The following SYCP2L variants were observed in gnomAD, a reference collection of about 807,000 sequenced individuals.
The protein encoded by SYCP2L is synaptonemal complex protein 2-like.
Under a neutral mutation model 125.8 loss-of-function variants are expected in SYCP2L, and 98 were observed. The ratio of observed to expected loss-of-function variants is 0.78; its 90% CI spans 0.66 to 0.92. The LOEUF (loss-of-function observed/expected upper bound fraction) is 0.92. Among genes scored for constraint, SYCP2L ranks in the 40% least tolerant of loss-of-function variants. The probability of loss-of-function intolerance (pLI) is 0.00; values close to 1 mark genes in which losing one functional copy is unlikely to be tolerated. For missense variants in SYCP2L, 842 were observed against 936.4 expected (o/e 0.90, Z 1.32); for synonymous variants, 317 against 325.4 (o/e 0.97, Z 0.28).
chr6:10,958,782 A>G lies in SYCP2L; in HGVS notation c.2164-2A>G, dbSNP rs1351559460. ...CATCTTGTTATTGTTGTTATGATTT[A>G]GCTTAGGTACAGAAAGCGTCCGTTT... On this transcript the variant is annotated splice_acceptor_variant, in intron 25 of 29. Transcript: ENST00000283141. LOFTEE classifies it high-confidence loss of function. 1 of 1,609,596 alleles carries G rather than the reference A, an allele frequency of 6.2e-7. No individual in the cohort carries two copies. The highest frequency in any genetic ancestry group is 1.1e-5 in the South Asian group (1 of 90,372).
intron 2 of SYCP2L, 78 bp downstream of exon 2, chr6:10,891,659 GTGTGTATGTGTA>G: frequency 1.4e-6 from 1 of 690,130 alleles, no homozygotes; most frequent in Non-Finnish European, 2.3e-6. Flanking sequence ...GTGTGTGTGT[GTGTGTATGTGTA>G]TATGAGTGTA....
chr6:10,939,909 C>T (rs1019734965), intron 21 of SYCP2L, among the ~76,000 whole-genome samples: 1 of 151,546 alleles, frequency 6.6e-6, no homozygotes, highest in Admixed American at 6.6e-5. Context: ...GGAAAGACAA[C>T]CTAAAGAATG....
At chr6:10,947,775 A>G (rs1781341692) in intron 23 of SYCP2L, among the ~76,000 whole-genome samples, 1 of 152,034 alleles carries the variant, frequency 6.6e-6, no homozygotes, top group African/African-American at 2.4e-5. Flanking sequence ...TATCTTTAGT[A>G]TGTCTTAAAA....
intron 29 of SYCP2L, among the ~76,000 whole-genome samples, chr6:10,971,799 T>TC (rs201647454): frequency 0.55 from 83,660 of 151,710 alleles, 24,042 homozygotes; most frequent in East Asian, 0.91. Flanking sequence ...TTCTCCTGCC[T>TC]AAGAGGCTGG....
In SYCP2L at chr6:10,907,587, C is replaced by T. The variant is rs370150134; in HGVS notation, c.722C>T (p.Thr241Met). ...VAISEALCRL[T>M]IKKSRDELVH... is the part of the protein sequence containing the mutation. Reference sequence around the variant, plus strand: ...ATTTCTGAAGCGCTGTGTAGACTGACGATTAAAAAATCAAGGGATGAACTT... The same window carrying T: ...ATTTCTGAAGCGCTGTGTAGACTGATGATTAAAAAATCAAGGGATGAACTT... The change falls in exon 10 of 30, where the codon ACG becomes ATG. Residue 241 changes from threonine to methionine, a missense_variant. Physicochemically the swap from Thr to Met is moderately conservative, Grantham distance 81. Coordinates refer to ENST00000283141, the MANE Select transcript of SYCP2L (RefSeq NM_001040274.3). 5.9e-5 allele frequency: 95 copies of T among 1,613,390 alleles called. No homozygotes were observed. The highest frequency in any genetic ancestry group is 1.6e-4 in the Middle Eastern group (1 of 6,084).
chr6:10,897,283 A>G (rs1780273133), intron 4 of SYCP2L, among the ~76,000 whole-genome samples: 1 of 152,146 alleles, frequency 6.6e-6, no homozygotes, highest in Non-Finnish European at 1.5e-5. Flanking sequence ...CCTGAGGCAT[A>G]TTTACTATAA....
chr6:10,916,152 G>C (rs961055693), intron 14 of SYCP2L, among the ~76,000 whole-genome samples: 1 of 152,066 alleles, frequency 6.6e-6, no homozygotes, highest in Non-Finnish European at 1.5e-5. Context: ...TATTTCAGTG[G>C]TGTCAGTTGT....
Position 10,893,010 on chromosome 6 carries a change from C to CT in SYCP2L, c.79-843dup, listed in dbSNP as rs779452786. The stretch of plus-strand genomic sequence containing the variant: ...AATGTCTGTTATTCAAGTATATATA[C>CT]TTTTTTTTTTTTTTGAGACAGAGTT... On this transcript the variant is annotated intron_variant, in intron 2 of 29. Coordinates refer to ENST00000283141, the MANE Select transcript of SYCP2L (RefSeq NM_001040274.3). Among the ~76,000 whole-genome samples the CT allele has an allele frequency of 1.8e-3, 262 of 143,206 alleles. 1 individual carries two copies. Among genetic ancestry groups the CT allele is most frequent in the South Asian group, 2.7e-3 (12 of 4,486 alleles). The allele number at this position is 143,206 out of a possible 152,430, so 93.9% of individuals were successfully genotyped here.
intron 23 of SYCP2L, among the ~76,000 whole-genome samples, chr6:10,944,077 G>T (rs1781269586): frequency 6.6e-6 from 1 of 152,128 alleles, no homozygotes. Context: ...GAGTATAATT[G>T]CTGGGTTATA....
At chr6:10,931,555 C>T (rs1265397808) in intron 20 of SYCP2L, 66 bp downstream of exon 20, 7 of 1,455,028 alleles carry the variant, frequency 4.8e-6, no homozygotes, top group Non-Finnish European at 2.9e-6. Context: ...TCTCCAAAAA[C>T]AACTTTCAGA....
rs556342945 is a variant in SYCP2L, at chr6:10,912,774, G to T, written c.1011+9G>T. 8 of 1,612,236 alleles carry T rather than the reference G, an allele frequency of 5.0e-6. No homozygotes were observed. In the African/African-American group the frequency reaches 5.3e-5, roughly 11 times the overall value. On this transcript the variant is annotated intron_variant, in intron 13 of 29. Coordinates refer to ENST00000283141, the MANE Select transcript of SYCP2L (RefSeq NM_001040274.3). The surrounding 1 kb of genome is among the most constrained non-coding windows in gnomAD (Gnocchi z 4.1). Reference sequence around the variant, plus strand: ...ATATAGACAATGCTGAGGTAATGATGTTCGATTCTTGGTTAGAACTAAGCC... The same window carrying T: ...ATATAGACAATGCTGAGGTAATGATTTTCGATTCTTGGTTAGAACTAAGCC...
intron 24 of SYCP2L, among the ~76,000 whole-genome samples, 180 bp downstream of exon 24, chr6:10,955,397 A>G (rs900050373): frequency 6.6e-6 from 1 of 152,182 alleles, no homozygotes; most frequent in Admixed American, 6.5e-5. Context: ...TTATAGATAA[A>G]AGCAAGTGCC....
At chr6:10,972,885 T>C (rs1275237998) in intron 29 of SYCP2L, among the ~76,000 whole-genome samples, 1 of 152,084 alleles carries the variant, frequency 6.6e-6, no homozygotes, top group African/African-American at 2.4e-5. Context: ...AGCTGATAGA[T>C]TTTGTCTGCA....
rs144230714 is a variant in SYCP2L, at chr6:10,903,901, A to G, written c.641+938A>G. Among the ~76,000 whole-genome samples the G allele has an allele frequency of 2.8e-3, 422 of 152,228 alleles. 4 individuals carry two copies. Among genetic ancestry groups the G allele is most frequent in the African/African-American group, 9.9e-3 (410 of 41,544 alleles). The stretch of plus-strand genomic sequence containing the variant: ...TATTTTTTCATTGTGAATGTGAACT[A>G]AATTAGTGACTCATGGGAGAATGTT... On this transcript the variant is annotated intron_variant, in intron 8 of 29. Transcript: ENST00000283141.
At chr6:10,944,886 G>A (rs751091297) in intron 23 of SYCP2L, among the ~76,000 whole-genome samples, 2 of 151,920 alleles carry the variant, frequency 1.3e-5, no homozygotes, top group African/African-American at 2.4e-5. Context: ...AGCTAATTTT[G>A]CATTTTTAGT....
chr6:10,942,652 A>G (rs768098475), intron 22 of SYCP2L, 25 bp from the exon 23 acceptor site: 1 of 1,612,632 alleles, frequency 6.2e-7, no homozygotes. Context: ...AAAGGACGTA[A>G]TTTGTGGTCT....
intron 29 of SYCP2L, among the ~76,000 whole-genome samples, chr6:10,966,743 T>C (rs1237890189): frequency 3.3e-5 from 5 of 152,104 alleles, no homozygotes; most frequent in Non-Finnish European, 5.9e-5. Flanking sequence ...ATGGAAACCA[T>C]AGGAGGAGGA....
chr6:10,969,680 A>G (rs1481772659), intron 29 of SYCP2L, among the ~76,000 whole-genome samples: 1 of 152,088 alleles, frequency 6.6e-6, no homozygotes, highest in Admixed American at 6.6e-5. Flanking sequence ...TATCTTAAAG[A>G]TGAAATTGGA....
At chr6:10,952,344 G>C (rs1294294827) in intron 23 of SYCP2L, among the ~76,000 whole-genome samples, 2 of 152,160 alleles carry the variant, frequency 1.3e-5, no homozygotes, top group Non-Finnish European at 2.9e-5. Flanking sequence ...AAAGTCTAGT[G>C]ATTTCCATGT....
Sources: allele counts gnomAD v4.1 joint callset (sites outside exome capture counted in the v4.1 genomes callset), GRCh38; gene constraint gnomAD v4.1.1; non-coding constraint Gnocchi (gnomAD v3.1); transcripts MANE v1.5; gene names NCBI Gene and HGNC (gene_info 2026-07-23, HGNC 2026-07-21).